The following TMEFF1 variants were observed in gnomAD, a reference collection of about 807,000 sequenced individuals.
TMEFF1 encodes transmembrane protein with EGF like and two follistatin like domains 1, also known as tomoregulin-1.
A neutral mutation model predicts 47.5 loss-of-function variants in TMEFF1; 20 were observed. The observed-to-expected ratio is 0.42, with a 90% CI of 0.30 to 0.61. The LOEUF (loss-of-function observed/expected upper bound fraction) is 0.61. Among genes scored for constraint, TMEFF1 ranks in the 20% least tolerant of loss-of-function variants. The probability of loss-of-function intolerance (pLI) is 0.19; values close to 1 mark genes in which losing one functional copy is unlikely to be tolerated. For synonymous variants in TMEFF1, 162 were observed against 166.3 expected, an observed-to-expected ratio of 0.97 and a Z score of 0.20; for missense variants, 411 against 471.1, an observed-to-expected ratio of 0.87 and a Z score of 1.18.
chr9:100,474,749 C>T (rs942480762), intron 1 of TMEFF1, among the ~76,000 whole-genome samples: 4 of 152,024 alleles, frequency 2.6e-5, no homozygotes, highest in African/African-American at 9.7e-5. Context: ...ATTCTGGCAG[C>T]AGCGGGGAGC....
chr9:100,492,183 C>T (rs1041119794), intron 1 of TMEFF1, among the ~76,000 whole-genome samples: 1 of 152,200 alleles, frequency 6.6e-6, no homozygotes, highest in Non-Finnish European at 1.5e-5. Context: ...CGCACCTGGC[C>T]TCCTCTTTCT....
chr9:100,535,905 A>G lies in TMEFF1; in HGVS notation c.561-11839A>G, dbSNP rs566107793. Among the ~76,000 whole-genome samples the G allele has an allele frequency of 4.2e-4, 64 of 152,208 alleles. No homozygotes were observed. The Middle Eastern group carries it at 0.01, about 24-fold the overall frequency. The stretch of plus-strand genomic sequence containing the variant: ...CTGCTACTCTTTTTCACATTATTTC[A>G]CTGCAGCTTACCTGTAGCCATGAGA... On this transcript the variant is annotated intron_variant, in intron 5 of 9. Coordinates refer to ENST00000374879, the MANE Select transcript of TMEFF1 (RefSeq NM_003692.5).
intron 5 of TMEFF1, among the ~76,000 whole-genome samples, chr9:100,526,171 T>C (rs1437840461): frequency 6.6e-6 from 1 of 152,194 alleles, no homozygotes; most frequent in Non-Finnish European, 1.5e-5. Flanking sequence ...TCTTCTAGCT[T>C]CCAGTGTTGC....
At chr9:100,475,734 TGTG>T in intron 1 of TMEFF1, among the ~76,000 whole-genome samples, 2 of 151,414 alleles carry the variant, frequency 1.3e-5, no homozygotes, top group Non-Finnish European at 2.9e-5. Flanking sequence ...TGTGTGTGTG[TGTG>T]TGTGTGTGTG....
chr9:100,531,922 T>G (rs1036541807), intron 5 of TMEFF1, among the ~76,000 whole-genome samples: 3 of 150,114 alleles, frequency 2.0e-5, no homozygotes, highest in African/African-American at 7.3e-5. Flanking sequence ...AACAGAGCCC[T>G]CAGAAATAAC....
intron 1 of TMEFF1, among the ~76,000 whole-genome samples, chr9:100,493,575 G>T (rs947890801): frequency 1.3e-5 from 2 of 152,158 alleles, no homozygotes; most frequent in African/African-American, 4.8e-5. Context: ...TGAGAATTGT[G>T]GGGCAGATTT....
chr9:100,481,947 A>AT (rs2118245090), intron 1 of TMEFF1, among the ~76,000 whole-genome samples: 1 of 151,426 alleles, frequency 6.6e-6, no homozygotes, highest in African/African-American at 2.4e-5. Context: ...ACGCCCAGCT[A>AT]ATTTTTGTAT....
At chr9:100,486,227 C>T (rs982590337) in intron 1 of TMEFF1, among the ~76,000 whole-genome samples, 5 of 152,040 alleles carry the variant, frequency 3.3e-5, no homozygotes, top group Non-Finnish European at 7.4e-5. Context: ...AGTGTTTATG[C>T]TAAATTATTT....
intron 1 of TMEFF1, among the ~76,000 whole-genome samples, chr9:100,482,050 C>T (rs996342365): frequency 2.0e-5 from 3 of 152,092 alleles, no homozygotes; most frequent in African/African-American, 7.2e-5. Flanking sequence ...GCTGGAATTA[C>T]AGGCGTGAGC....
At chr9:100,570,266 A>G (rs1005287414) in intron 8 of TMEFF1, among the ~76,000 whole-genome samples, 3 of 152,158 alleles carry the variant, frequency 2.0e-5, no homozygotes, top group African/African-American at 4.8e-5. Context: ...TCTTCAATAT[A>G]CTGATTTTAT....
chr9:100,543,738 C>CACACACAA (rs1430139172), intron 5 of TMEFF1, among the ~76,000 whole-genome samples: 2 of 151,726 alleles, frequency 1.3e-5, no homozygotes, highest in African/African-American at 4.9e-5. Flanking sequence ...CACACACACA[C>CACACACAA]ACACACACAA....
rs543352526 is a variant in TMEFF1 at position 100,515,866 on chromosome 9, A to G, written c.464-809A>G. On this transcript the variant is annotated intron_variant, in intron 4 of 9. Transcript: ENST00000374879. Reference sequence around the variant, plus strand: ...TCTTTTTCAAACCAAATTCGAGGGAAATCCCTTGAATGAACTGAAATCCTT... The same window carrying G: ...TCTTTTTCAAACCAAATTCGAGGGAGATCCCTTGAATGAACTGAAATCCTT... 8.5e-5 allele frequency among the ~76,000 whole-genome samples: 13 copies of G among 152,244 alleles called. No homozygotes were observed. In the East Asian group the frequency reaches 1.9e-3, roughly 23 times the overall value.
At chr9:100,527,339 T>G (rs1388817181) in intron 5 of TMEFF1, among the ~76,000 whole-genome samples, 1 of 152,098 alleles carries the variant, frequency 6.6e-6, no homozygotes, top group East Asian at 1.9e-4. Context: ...CAGGTTCATC[T>G]CACTAGGGAG....
rs997972582 is a variant in TMEFF1 at position 100,481,029 on chromosome 9, C to A, written c.196+7289C>A. Among the ~76,000 whole-genome samples, 5 of 152,156 alleles carry A rather than the reference C, an allele frequency of 3.3e-5. No homozygotes were observed. In the East Asian group the frequency reaches 9.6e-4, roughly 29 times the overall value. On this transcript the variant is annotated intron_variant, in intron 1 of 9. Transcript: ENST00000374879. Reference sequence around the variant, plus strand: ...ACAACAGACGCACTTTTGCCTGAGGCCTTTGCTGTTGATGTTCCTTTGGCT... The same window carrying A: ...ACAACAGACGCACTTTTGCCTGAGGACTTTGCTGTTGATGTTCCTTTGGCT...
intron 5 of TMEFF1, among the ~76,000 whole-genome samples, 169 bp downstream of exon 5, chr9:100,516,940 A>G (rs560054559): frequency 2.8e-4 from 42 of 152,108 alleles, no homozygotes; most frequent in Non-Finnish European, 4.3e-4. Flanking sequence ...TACTATGGCT[A>G]TTTAAATCAG....
chr9:100,486,382 AC>A (rs1175751336), intron 1 of TMEFF1, among the ~76,000 whole-genome samples: 4 of 152,098 alleles, frequency 2.6e-5, no homozygotes, highest in Non-Finnish European at 5.9e-5. Context: ...AGCTGGGATT[AC>A]CGGCGCGTGC....
intron 5 of TMEFF1, among the ~76,000 whole-genome samples, chr9:100,546,056 A>G (rs1372853327): frequency 6.6e-6 from 1 of 151,958 alleles, no homozygotes; most frequent in Admixed American, 6.6e-5. Flanking sequence ...AGCCCTCCAA[A>G]CTGTTCCAAC....
At chr9:100,561,926 C>T (rs1839024289) in intron 8 of TMEFF1, among the ~76,000 whole-genome samples, 1 of 152,064 alleles carries the variant, frequency 6.6e-6, no homozygotes, top group Non-Finnish European at 1.5e-5. Flanking sequence ...GGACGAAGAA[C>T]CAGGTGTGAA....
intron 1 of TMEFF1, among the ~76,000 whole-genome samples, chr9:100,478,329 T>A (rs1028815761): frequency 6.6e-6 from 1 of 152,178 alleles, no homozygotes; most frequent in Non-Finnish European, 1.5e-5. Flanking sequence ...TTTGTTTGTT[T>A]GTTTGTTTGA....
Sources: gnomAD v4.1 joint callset for allele counts (sites outside exome capture counted in the v4.1 genomes callset) on GRCh38, gnomAD v4.1.1 for gene constraint, MANE v1.5 for transcripts, NCBI Gene and HGNC (gene_info 2026-07-23, HGNC 2026-07-21) for gene names.